MSANTD3: variants seen among roughly 807,000 people sequenced by gnomAD.
MSANTD3 encodes myb/SANT-like DNA-binding domain-containing protein 3.
In MSANTD3, 11 loss-of-function variants were observed where a neutral mutation model predicts 27.7. That is an observed-to-expected ratio of 0.40 (90% CI 0.25 to 0.66). MSANTD3 has a LOEUF of 0.66. Ranked by LOEUF, MSANTD3 falls within the 30% of genes least tolerant of loss-of-function variation. The pLI, the probability that MSANTD3 is intolerant of heterozygous loss-of-function variation, is 0.41. For synonymous variants in MSANTD3, 131 were observed against 127.2 expected, an observed-to-expected ratio of 1.03 and a Z score of -0.20; for missense variants, 250 against 336.5, an observed-to-expected ratio of 0.74 and a Z score of 2.01.
intron 2 of MSANTD3, among the ~76,000 whole-genome samples, chr9:100,445,410 A>G (rs565197267): frequency 3.3e-5 from 5 of 152,360 alleles, no homozygotes; most frequent in South Asian, 2.1e-4. Context: ...AGGATGTGCT[A>G]TAATTGTGCA....
At chr9:100,438,429 T>TAA (rs139440443) in intron 1 of MSANTD3, among the ~76,000 whole-genome samples, 3 of 150,478 alleles carry the variant, frequency 2.0e-5, no homozygotes, top group South Asian at 2.1e-4. Flanking sequence ...ATTTAGAAAG[T>TAA]GTGTGTGTGT....
intron 2 of MSANTD3, chr9:100,445,298 T>G: frequency 1.1e-6 from 1 of 951,786 alleles, no homozygotes; most frequent in East Asian, 2.4e-5. Context: ...ACATAAGGAA[T>G]GTGTGTGTGT....
At chr9:100,433,797 C>G (rs534678447) in intron 1 of MSANTD3, among the ~76,000 whole-genome samples, 1 of 152,242 alleles carries the variant, frequency 6.6e-6, no homozygotes, top group South Asian at 2.1e-4. Flanking sequence ...CTTTCCAGGC[C>G]TTGCTTGTAG....
chr9:100,441,766 G>A, intron 1 of MSANTD3, 140 bp from the exon 2 acceptor site: 1 of 996,406 alleles, frequency 1.0e-6, no homozygotes, highest in Non-Finnish European at 1.4e-6. Context: ...CCAGAGTCCT[G>A]AATATCATAA....
At position 100,448,697 on chromosome 9, in the gene MSANTD3, C is replaced by A. The variant is rs916056066; in HGVS notation, c.419-1860C>A. Reference sequence around the variant, plus strand: ...AGAGACTTGAAAGGGAGGTAAACTGCCAGTTTTAACAAGTGTTCTGCCAGA... The same window carrying A: ...AGAGACTTGAAAGGGAGGTAAACTGACAGTTTTAACAAGTGTTCTGCCAGA... On this transcript the variant is annotated intron_variant, in intron 2 of 2. Transcript: ENST00000395067. 5 of 985,178 alleles carry A rather than the reference C, an allele frequency of 5.1e-6. No homozygotes were observed. In the African/African-American group the frequency reaches 8.7e-5, roughly 17 times the overall value. 61.0% of individuals were successfully genotyped at this position (985,178 alleles called of 1,614,324 possible). A position where few individuals can be genotyped will look rare whatever the true frequency, so the allele number is the denominator to read the frequency against.
At position 100,427,163 on chromosome 9, in the gene MSANTD3, G is replaced by C. The variant is rs1317163643; in HGVS notation, c.-264G>C. ...CCCTCCTCGGCGGCGCCGACGGACC[G>C]GCAGGCGGCGGGCGGTCCGCGAGGG... is the stretch of plus-strand genomic sequence containing the variant. On this transcript the variant is annotated 5_prime_UTR_variant, in exon 1 of 3. Coordinates refer to ENST00000395067, the MANE Select transcript of MSANTD3 (RefSeq NM_080655.3). 6.8e-6 allele frequency: 1 copy of C among 147,512 alleles called. No homozygotes were observed. Among genetic ancestry groups the C allele is most frequent in the African/African-American group, 2.4e-5 (1 of 40,906 alleles). The allele number at this position is 147,512 out of a possible 1,614,324, so 9.1% of individuals were successfully genotyped here.
intron 1 of MSANTD3, among the ~76,000 whole-genome samples, chr9:100,437,406 T>A (rs533302798): frequency 6.6e-6 from 1 of 152,188 alleles, no homozygotes; most frequent in South Asian, 2.1e-4. Context: ...AGCATGAGCA[T>A]TGGAGTAAGT....
At chr9:100,428,052 G>A (rs966848595) in intron 1 of MSANTD3, among the ~76,000 whole-genome samples, 11 of 152,158 alleles carry the variant, frequency 7.2e-5, no homozygotes, top group Non-Finnish European at 1.5e-4. Context: ...CAGGCCCTAG[G>A]TACTAAACAG....
intron 1 of MSANTD3, among the ~76,000 whole-genome samples, chr9:100,428,666 G>A (rs114354672): frequency 6.6e-6 from 1 of 152,164 alleles, no homozygotes; most frequent in Admixed American, 6.5e-5. Flanking sequence ...AAAATATTCA[G>A]ATTGATGGAG....
chr9:100,442,473 A>T lies in MSANTD3; in HGVS notation c.418+117A>T, dbSNP rs146663531. 33 of 1,434,432 alleles carry T rather than the reference A, an allele frequency of 2.3e-5. No homozygotes were observed. The African/African-American group carries it at 4.3e-4, about 19-fold the overall frequency. The allele number at this position is 1,434,432 out of a possible 1,614,324, so 88.9% of individuals were successfully genotyped here. ...AAATGAAACTTTTGTATCAAATCCA[A>T]TTTTCCTAATTCAAGATCTCAGGAT... On this transcript the variant is annotated intron_variant, in intron 2 of 2. Coordinates refer to ENST00000395067, the MANE Select transcript of MSANTD3 (RefSeq NM_080655.3).
In MSANTD3 at chr9:100,442,108, A is replaced by C; in HGVS notation, c.170A>C (p.Asn57Thr). The part of the protein sequence containing the change: ...RTWQALAHEY[N>T]SQPSVSLRDF... ...TGGCAGGCGCTGGCCCACGAATACA[A>C]CTCTCAGCCCAGCGTGTCCCTGCGG... Residue 57 changes from asparagine (N) to threonine (T), a missense_variant, in exon 2 of 3, where the codon AAC (asparagine) becomes ACC (threonine). Physicochemically the swap from Asn to Thr is moderately conservative, Grantham distance 65 (BLOSUM62 0). Transcript: ENST00000395067. The C allele has an allele frequency of 6.2e-7, 1 of 1,614,098 alleles. No individual in the cohort carries two copies. The highest frequency in any genetic ancestry group is 8.5e-7 in the Non-Finnish European group (1 of 1,180,008).
At chr9:100,429,727 C>G (rs1458902787) in intron 1 of MSANTD3, 1 of 151,550 alleles carries the variant, frequency 6.6e-6, no homozygotes, top group East Asian at 1.9e-4. Flanking sequence ...TGGGGGGGGA[C>G]AGTCTCGCTC....
chr9:100,429,834 C>G (rs1836329683), intron 1 of MSANTD3, among the ~76,000 whole-genome samples: 1 of 151,978 alleles, frequency 6.6e-6, no homozygotes, highest in African/African-American at 2.4e-5. Context: ...TCCCAAGTAG[C>G]TGAGATTACA....
At chr9:100,436,597 G>A (rs1203579901) in intron 1 of MSANTD3, among the ~76,000 whole-genome samples, 2 of 152,100 alleles carry the variant, frequency 1.3e-5, no homozygotes, top group Admixed American at 6.6e-5. Context: ...TTTTTATGTT[G>A]TCATTTATAA....
chr9:100,430,363 T>A (rs1167579635), intron 1 of MSANTD3, among the ~76,000 whole-genome samples: 4 of 149,364 alleles, frequency 2.7e-5, no homozygotes, highest in Non-Finnish European at 5.9e-5. Context: ...AAATGGGCCC[T>A]TGGTGGCCTT....
At chr9:100,446,314 C>T (rs1836750785) in intron 2 of MSANTD3, among the ~76,000 whole-genome samples, 1 of 152,294 alleles carries the variant, frequency 6.6e-6, no homozygotes, top group Non-Finnish European at 1.5e-5. Context: ...GGCACCCCAG[C>T]CTCACTGGTC....
At chr9:100,445,008 C>T in intron 2 of MSANTD3, 1 of 560,044 alleles carries the variant, frequency 1.8e-6, no homozygotes, top group East Asian at 2.8e-5. Context: ...CTCCTTGCTC[C>T]TGTGTCCAGG....
chr9:100,442,399 CTGTT>C (rs748906181), intron 2 of MSANTD3, 43 bp downstream of exon 2: 16 of 1,536,904 alleles, frequency 1.0e-5, no homozygotes, highest in African/African-American at 1.4e-5. Flanking sequence ...CACTGGGTAT[CTGTT>C]TGACATTTTA....
chr9:100,448,826 G>T, intron 2 of MSANTD3: 2 of 985,304 alleles, frequency 2.0e-6, no homozygotes, highest in Non-Finnish European at 2.4e-6. Context: ...TTTCTGGATG[G>T]CACCGAAGTA....
Sources: gnomAD v4.1 joint callset for allele counts (sites outside exome capture counted in the v4.1 genomes callset) on GRCh38, gnomAD v4.1.1 for gene constraint, MANE v1.5 for transcripts, NCBI Gene and HGNC (gene_info 2026-07-23, HGNC 2026-07-21) for gene names.